DAO: variants seen among roughly 807,000 people sequenced by gnomAD.
The protein encoded by DAO is D-amino acid oxidase, also known as D-amino-acid oxidase.
Under a neutral mutation model 50.1 loss-of-function variants are expected in DAO, and 51 were observed. That is an observed-to-expected ratio of 1.02 (90% CI 0.81 to 1.29). The LOEUF is 1.29. Ranked by LOEUF, DAO falls within the 50% of genes most tolerant of loss-of-function variation. The pLI is 0.00. For synonymous variants in DAO, 160 were observed against 166.2 expected (o/e 0.96, Z 0.29); for missense variants, 436 against 439.4 (o/e 0.99, Z 0.07).
At chr12:108,884,442 G>A (rs542308430) in intron 1 of DAO, among the ~76,000 whole-genome samples, 22 of 152,280 alleles carry the variant, frequency 1.4e-4, no homozygotes, top group Admixed American at 3.3e-4. Flanking sequence ...ACTTAGTGCC[G>A]GGGCCAGCTG....
chr12:108,899,011 A>C (rs1425095322), intron 9 of DAO, among the ~76,000 whole-genome samples: 2 of 152,164 alleles, frequency 1.3e-5, no homozygotes, highest in Admixed American at 1.3e-4. Flanking sequence ...CTTGGTTTTC[A>C]CATTTGTCTG....
intron 1 of DAO, among the ~76,000 whole-genome samples, chr12:108,884,532 A>T (rs1424140249): frequency 6.6e-6 from 1 of 152,224 alleles, no homozygotes; most frequent in Admixed American, 6.5e-5. Flanking sequence ...TACGTTTGGC[A>T]TCTTGTTCAA....
chr12:108,896,419 C>CAAAAAAAA (rs386377704), intron 7 of DAO, among the ~76,000 whole-genome samples: 730 of 59,516 alleles, frequency 0.012, 43 homozygotes, highest in African/African-American at 0.045. Context: ...GAGGCTGTCT[C>CAAAAAAAA]AAAAAAAAAA....
intron 1 of DAO, among the ~76,000 whole-genome samples, chr12:108,883,424 G>A (rs2039402480): frequency 6.6e-6 from 1 of 152,226 alleles, no homozygotes; most frequent in South Asian, 2.1e-4. Flanking sequence ...GGGATTACAG[G>A]CGTAAGCCAC....
chr12:108,889,350 T>C, intron 3 of DAO, 119 bp from the exon 4 acceptor site: 1 of 672,030 alleles, frequency 1.5e-6, no homozygotes, highest in South Asian at 1.4e-5. Flanking sequence ...CCTCAGGTGA[T>C]CCACCCATCT....
Position 108,885,127 on chromosome 12 carries a change from C to G in DAO, c.121C>G (p.Pro41Ala). Residue 41 changes from proline (P) to alanine (A), a missense_variant, in exon 2 of 11, where the codon CCA becomes GCA. By Grantham distance (27) the Pro-to-Ala change is conservative. Coordinates refer to ENST00000228476, the MANE Select transcript of DAO (RefSeq NM_001917.5). Reference protein sequence around the residue: ...DIKVYADRFTPLTTTDVAAGL... With the variant: ...DIKVYADRFTALTTTDVAAGL... The stretch of plus-strand genomic sequence containing the variant: ...AAAGGTCTACGCGGACCGCTTCACC[C>G]CACTCACCACCACCGACGTGGCTGC... 6.2e-7 allele frequency: 1 copy of G among 1,613,298 alleles called. No individual in the cohort carries two copies. The highest frequency in any genetic ancestry group is 1.1e-5 in the South Asian group (1 of 91,070).
intron 10 of DAO, chr12:108,899,831 C>G: frequency 2.8e-6 from 1 of 361,382 alleles, no homozygotes; most frequent in Non-Finnish European, 5.3e-6. Context: ...GCAGTGTTAA[C>G]ATGGCTGCAC....
chr12:108,896,738 A>C (rs186512376), intron 7 of DAO, among the ~76,000 whole-genome samples: 24 of 152,074 alleles, frequency 1.6e-4, no homozygotes, highest in Non-Finnish European at 2.9e-4. Flanking sequence ...TCTCATGTGT[A>C]TGCATTTACA....
At chr12:108,898,885 G>A (rs1369592352) in intron 9 of DAO, 89 bp downstream of exon 9, 22 of 804,800 alleles carry the variant, frequency 2.7e-5, no homozygotes, top group Non-Finnish European at 4.1e-5. Context: ...TGCCACCGCT[G>A]GGATAACTGG....
chr12:108,894,207 GA>G, intron 6 of DAO, 55 bp from the exon 7 acceptor site: 1 of 1,311,616 alleles, frequency 7.6e-7, no homozygotes, highest in Non-Finnish European at 1.1e-6. Context: ...AGAGAACAGG[GA>G]ATACCAGGGT....
At chr12:108,898,366 A>T in intron 8 of DAO, 2 of 387,254 alleles carry the variant, frequency 5.2e-6, no homozygotes, top group South Asian at 4.2e-5. Context: ...TGTTATCTCA[A>T]TGGCGATGTT....
At chr12:108,893,139 C>T (rs190926255) in intron 6 of DAO, 103 bp downstream of exon 6, 275 of 1,014,904 alleles carry the variant, frequency 2.7e-4, no homozygotes, top group Middle Eastern at 1.2e-3. Flanking sequence ...CCTAGGGTCC[C>T]CACAGGCCTG....
At chr12:108,884,123 GTGCCCCA>G (rs2039409264) in intron 1 of DAO, among the ~76,000 whole-genome samples, 1 of 152,260 alleles carries the variant, frequency 6.6e-6, no homozygotes, top group African/African-American at 2.4e-5. Context: ...AATCAGCCCT[GTGCCCCA>G]AGGCAGGTGG....
At chr12:108,889,307 A>G (rs2039464933) in intron 3 of DAO, among the ~76,000 whole-genome samples, 162 bp from the exon 4 acceptor site, 1 of 152,058 alleles carries the variant, frequency 6.6e-6, no homozygotes, top group African/African-American at 2.4e-5. Context: ...ACAGGGTTTC[A>G]CCATGTTGGC....
At chr12:108,887,700 C>T (rs1593159791) in intron 3 of DAO, 136 bp downstream of exon 3, 2 of 730,832 alleles carry the variant, frequency 2.7e-6, no homozygotes, top group East Asian at 5.0e-5. Flanking sequence ...GGGTTCAAAA[C>T]AGGTTTGGTT....
At chr12:108,897,964 G>T (rs1389228891) in intron 8 of DAO, among the ~76,000 whole-genome samples, 2 of 151,776 alleles carry the variant, frequency 1.3e-5, no homozygotes, top group Non-Finnish European at 2.9e-5. Flanking sequence ...AAAAAAAGTG[G>T]TGTGAATGGC....
At position 108,900,433 on chromosome 12, in the gene DAO, C is replaced by T. The variant is rs772119645; in HGVS notation, c.942C>T (p.Tyr314=). ...EVIHNYGHGG[Y]GLTIHWGCAL... ...TCCACAACTATGGCCATGGAGGCTA[C>T]GGGCTCACCATCCACTGGGGATGTG... The change falls in exon 11 of 11, where the codon TAC becomes TAT. Residue 314 remains tyrosine (Y), a synonymous_variant. Coordinates refer to ENST00000228476, the MANE Select transcript of DAO (RefSeq NM_001917.5). 36 of 1,613,944 alleles carry T rather than the reference C, an allele frequency of 2.2e-5. No individual in the cohort carries two copies. Among genetic ancestry groups the T allele is most frequent in the Admixed American group, 3.3e-5 (2 of 60,004 alleles).
At chr12:108,894,080 C>A (rs1467188399) in intron 6 of DAO, among the ~76,000 whole-genome samples, 183 bp from the exon 7 acceptor site, 1 of 152,152 alleles carries the variant, frequency 6.6e-6, no homozygotes, top group Non-Finnish European at 1.5e-5. Flanking sequence ...TTCAAGGTCA[C>A]ACGTCAGATA....
intron 7 of DAO, among the ~76,000 whole-genome samples, chr12:108,895,846 T>A (rs2137362693): frequency 6.6e-6 from 1 of 151,880 alleles, no homozygotes; most frequent in South Asian, 2.1e-4. Context: ...TAGGGGTGCG[T>A]GTGTGTGTTC....
Sources: allele counts gnomAD v4.1 joint callset (sites outside exome capture counted in the v4.1 genomes callset), GRCh38; gene constraint gnomAD v4.1.1; transcripts MANE v1.5; gene names NCBI Gene and HGNC (gene_info 2026-07-23, HGNC 2026-07-21).